Variants in NBAS observed in about 807,000 individuals in gnomAD.
NBAS encodes NBAS subunit of NRZ tethering complex.
NBAS carries 219 observed loss-of-function variants against 302.5 expected under a neutral mutation model. The observed-to-expected ratio is 0.72, with a 90% CI of 0.65 to 0.81. NBAS has a LOEUF of 0.81. NBAS is among the 30% of genes least tolerant of loss of function. The pLI is 0.00. For missense variants in NBAS, 2,932 were observed against 2,841.6 expected, an observed-to-expected ratio of 1.03 and a Z score of -0.72; for synonymous variants, 1,118 against 1,021.6, an observed-to-expected ratio of 1.09 and a Z score of -1.80.
the NBAS span, among the ~76,000 whole-genome samples, chr2:15,073,805 C>A: frequency 4.3e-3 from 653 of 152,292 alleles, 5 homozygotes; most frequent in African/African-American, 0.015. Flanking sequence ...CCAATACATT[C>A]TTTCTCACTG....
the NBAS span, among the ~76,000 whole-genome samples, chr2:14,911,725 T>A: frequency 6.6e-6 from 1 of 152,342 alleles, no homozygotes; most frequent in Non-Finnish European, 1.5e-5. Flanking sequence ...GTGTAATGGT[T>A]AAGCACAAAA....
At chr2:14,974,118 A>T in the NBAS span, among the ~76,000 whole-genome samples, 1 of 152,250 alleles carries the variant, frequency 6.6e-6, no homozygotes, top group Admixed American at 6.5e-5. Flanking sequence ...TATTTAAAAC[A>T]CCACAACTGG....
chr2:14,992,241 G>T, the NBAS span, among the ~76,000 whole-genome samples: 1 of 152,156 alleles, frequency 6.6e-6, no homozygotes, highest in Admixed American at 6.5e-5. Context: ...TCTCATAACA[G>T]AGTCTTCAGG....
chr2:15,280,510 G>A (rs1669777153), intron 42 of NBAS, among the ~76,000 whole-genome samples: 1 of 152,132 alleles, frequency 6.6e-6, no homozygotes, highest in South Asian at 2.1e-4. Context: ...ATAACCCTCT[G>A]CAAAAGGTCT....
In NBAS at chr2:15,488,939, C is replaced by G; in HGVS notation, c.1038G>C (p.Ala346=). Residue 346 remains alanine, a synonymous_variant, in exon 12 of 52, where the codon GCG becomes GCC. Coordinates refer to ENST00000281513, the MANE Select transcript of NBAS (RefSeq NM_015909.4). ...IHFSGKLSIW[A]IPSLKQQGEW... ...CCCCTTGTTGCTTCAGAGATGGAAT[C>G]GCCCAGATGCTCAGTTTCCCTGAGA... The G allele has an allele frequency of 6.2e-7, 1 of 1,613,892 alleles. No individual in the cohort carries two copies. The highest frequency in any genetic ancestry group is 8.5e-7 in the Non-Finnish European group (1 of 1,179,844).
At chr2:15,450,050 TC>T (rs1558350831) in intron 21 of NBAS, among the ~76,000 whole-genome samples, 1 of 152,168 alleles carries the variant, frequency 6.6e-6, no homozygotes, top group Non-Finnish European at 1.5e-5. Flanking sequence ...TATTTCATCA[TC>T]CAGCCTACAG....
At chr2:15,234,434 G>T in intron 46 of NBAS, 111 bp downstream of exon 46, 1 of 1,105,456 alleles carries the variant, frequency 9.0e-7, no homozygotes, top group Non-Finnish European at 1.3e-6. Context: ...TCTCACTTTT[G>T]TAAAGTCCTT....
intron 45 of NBAS, 132 bp from the exon 46 acceptor site, chr2:15,234,879 ATTAG>A (rs761469256): frequency 2.2e-6 from 2 of 923,596 alleles, no homozygotes; most frequent in Non-Finnish European, 3.4e-6. Context: ...AAGGGCATGT[ATTAG>A]TTAGTTATTA....
the NBAS span, among the ~76,000 whole-genome samples, chr2:14,925,589 T>A: frequency 6.6e-6 from 1 of 152,196 alleles, no homozygotes; most frequent in East Asian, 1.9e-4. Context: ...TGCATCCCAC[T>A]CTTTACAGAA....
chr2:15,208,098 C>G (rs1558438053), intron 48 of NBAS, among the ~76,000 whole-genome samples: 1 of 152,130 alleles, frequency 6.6e-6, no homozygotes. Context: ...TTTCACTCTG[C>G]TGATAAAGAC....
chr2:15,467,537 G>T, intron 18 of NBAS, 127 bp downstream of exon 18: 1 of 1,273,792 alleles, frequency 7.9e-7, no homozygotes, highest in Non-Finnish European at 1.1e-6. Flanking sequence ...ACAAGGGTAA[G>T]ATAATAGTAA....
the NBAS span, among the ~76,000 whole-genome samples, chr2:15,124,761 G>C: frequency 6.6e-6 from 1 of 152,234 alleles, no homozygotes; most frequent in Admixed American, 6.5e-5. Context: ...ATAAGTCTTA[G>C]CATCTTCCAT....
the NBAS span, among the ~76,000 whole-genome samples, chr2:15,061,915 G>A: frequency 5.3e-5 from 8 of 152,206 alleles, no homozygotes; most frequent in Non-Finnish European, 1.2e-4. Context: ...GTATGTACAT[G>A]TCAGGAGAGC....
intron 35 of NBAS, among the ~76,000 whole-genome samples, chr2:15,334,030 A>G (rs1447922147): frequency 1.3e-5 from 2 of 152,150 alleles, no homozygotes; most frequent in African/African-American, 4.8e-5. Context: ...GGACTGAGCT[A>G]AGTGTTTCAT....
chr2:15,257,870 C>T (rs1320378246), intron 44 of NBAS, among the ~76,000 whole-genome samples: 3 of 152,172 alleles, frequency 2.0e-5, no homozygotes, highest in Non-Finnish European at 4.4e-5. Context: ...TTTTTAAGTA[C>T]TCATATCTAT....
intron 48 of NBAS, among the ~76,000 whole-genome samples, chr2:15,201,912 CAGAA>C (rs1179697066): frequency 6.6e-6 from 1 of 152,164 alleles, no homozygotes; most frequent in African/African-American, 2.4e-5. Context: ...ATCTCCTGCA[CAGAA>C]AGAGTGTCCT....
At chr2:15,093,691 A>G in the NBAS span, among the ~76,000 whole-genome samples, 2 of 152,110 alleles carry the variant, frequency 1.3e-5, no homozygotes, top group African/African-American at 2.4e-5. Flanking sequence ...ATTATGTCCA[A>G]CACTGGTTAA....
chr2:15,439,928 C>T (rs991326155), intron 21 of NBAS, among the ~76,000 whole-genome samples: 1 of 152,252 alleles, frequency 6.6e-6, no homozygotes, highest in East Asian at 1.9e-4. Flanking sequence ...TGAGATCAAA[C>T]CGCAAGGCGG....
At chr2:14,896,443 C>T in the NBAS span, among the ~76,000 whole-genome samples, 1 of 152,108 alleles carries the variant, frequency 6.6e-6, no homozygotes, top group Non-Finnish European at 1.5e-5. Context: ...AGTCATTCTC[C>T]CTCCTACGCC....
Sources: allele counts gnomAD v4.1 joint callset (sites outside exome capture counted in the v4.1 genomes callset), GRCh38; gene constraint gnomAD v4.1.1; transcripts MANE v1.5; gene names NCBI Gene and HGNC (gene_info 2026-07-23, HGNC 2026-07-21).